The following TTBK2 variants were observed in gnomAD, a reference collection of about 807,000 sequenced individuals.
TTBK2 encodes tau tubulin kinase 2.
In TTBK2, 28 loss-of-function variants were observed where a neutral mutation model predicts 110.8. That is an observed-to-expected ratio of 0.25 (90% confidence interval 0.19 to 0.35). TTBK2 has a LOEUF of 0.35. Among genes scored for constraint, TTBK2 ranks in the 10% least tolerant of loss-of-function variants. The pLI is 1.00. For missense variants in TTBK2, 1,369 were observed against 1,500.3 expected (o/e 0.91, Z 1.45); for synonymous variants, 532 against 527.3 (o/e 1.01, Z -0.12).
Position 42,815,958 on chromosome 15 carries a change from A to AAATATATAT in TTBK2, c.603+1073_603+1074insATATATATT, listed in dbSNP as rs71108183. Among the ~76,000 whole-genome samples, 37 of 91,686 alleles carry AAATATATAT rather than the reference A, an allele frequency of 4.0e-4. 3 individuals are homozygous for AAATATATAT. The highest frequency in any genetic ancestry group is 1.9e-3 in the African/African-American group (31 of 16,134). 60.1% of individuals were successfully genotyped at this position (91,686 alleles called of 152,430 possible). On this transcript the variant is annotated intron_variant, in intron 7 of 14. Transcript: ENST00000267890. The stretch of plus-strand genomic sequence containing the variant: ...TATATATATATATATTTAAAAAAAA[A>AAATATATAT]ATATATATATATATATATATTTGAG...
chr15:42,773,004 G>A (rs1225868659), intron 13 of TTBK2, among the ~76,000 whole-genome samples: 1 of 152,028 alleles, frequency 6.6e-6, no homozygotes, highest in Admixed American at 6.6e-5. Flanking sequence ...AGTTTTCATT[G>A]CCAACCTGAC....
chr15:42,916,327 G>GT (rs1484197167), intron 1 of TTBK2, among the ~76,000 whole-genome samples: 4 of 152,002 alleles, frequency 2.6e-5, no homozygotes, highest in African/African-American at 9.6e-5. Context: ...ATTGAAAAAT[G>GT]TTTTTTGTTT....
Position 42,780,121 on chromosome 15 carries a change from A to C in TTBK2, c.1198-2879T>G, listed in dbSNP as rs1178233167. 7.3e-5 allele frequency among the ~76,000 whole-genome samples: 11 copies of C among 151,164 alleles called. No individual in the cohort carries two copies. In the East Asian group the frequency reaches 2.1e-3, roughly 29 times the overall value. On this transcript the variant is annotated intron_variant, in intron 11 of 14. Coordinates refer to ENST00000267890, the MANE Select transcript of TTBK2 (RefSeq NM_173500.4). The stretch of plus-strand genomic sequence containing the variant: ...CACTGCAGCTTCTCCTCCCAGGTTC[A>C]AGCGATCCTCCACCCTCAGCCTCCC...
chr15:42,838,919 G>A (rs1412674893), intron 4 of TTBK2, among the ~76,000 whole-genome samples: 1 of 152,150 alleles, frequency 6.6e-6, no homozygotes, highest in African/African-American at 2.4e-5. Context: ...GTTTCAAGTA[G>A]ACAAGACTTG....
intron 3 of TTBK2, among the ~76,000 whole-genome samples, chr15:42,850,208 AAG>A (rs1427526412): frequency 1.3e-5 from 2 of 152,202 alleles, no homozygotes; most frequent in Non-Finnish European, 2.9e-5. Flanking sequence ...AAAAGAAAAA[AAG>A]AGAGAAAGAT....
At chr15:42,840,261 T>C (rs1218859720) in intron 4 of TTBK2, 99 bp downstream of exon 4, 4 of 1,029,030 alleles carry the variant, frequency 3.9e-6, no homozygotes, top group Admixed American at 3.4e-5. Context: ...CATTCTCACA[T>C]GGTACTAAGA....
chr15:42,752,165 T>C lies in TTBK2; in HGVS notation c.3081A>G (p.Thr1027=), dbSNP rs911630565. The C allele has an allele frequency of 2.5e-6, 4 of 1,614,194 alleles. No individual in the cohort carries two copies. Among genetic ancestry groups the C allele is most frequent in the African/African-American group, 1.3e-5 (1 of 75,054 alleles). ...EEVLTPFSRL[T]VDSHLSRSAE... Reference sequence around the variant, plus strand: ...CTGACCTACTCAGGTGAGAATCTACTGTCAGTCTTGAAAAGGGAGTGAGCA... The same window carrying C: ...CTGACCTACTCAGGTGAGAATCTACCGTCAGTCTTGAAAAGGGAGTGAGCA... Residue 1027 remains threonine, a synonymous_variant, in exon 14 of 15, where the codon ACA becomes ACG. Coordinates refer to ENST00000267890, the MANE Select transcript of TTBK2 (RefSeq NM_173500.4).
intron 3 of TTBK2, among the ~76,000 whole-genome samples, chr15:42,843,674 G>A (rs1490498209): frequency 1.3e-5 from 2 of 148,470 alleles, no homozygotes; most frequent in African/African-American, 2.5e-5. Context: ...CAGAAGAATC[G>A]CTTGAACCCG....
intron 1 of TTBK2, among the ~76,000 whole-genome samples, chr15:42,913,484 A>G (rs1374439480): frequency 1.3e-5 from 2 of 152,110 alleles, no homozygotes; most frequent in East Asian, 3.9e-4. Context: ...CTAAAAATAC[A>G]AAAATTAGCC....
rs1311152083 is a variant in TTBK2, at chr15:42,741,130, G to C, written c.*4665C>G. 6.6e-6 allele frequency: 1 copy of C among 152,170 alleles called. No individual in the cohort carries two copies. The highest frequency in any genetic ancestry group is 2.4e-5 in the African/African-American group (1 of 41,412). 9.4% of individuals were successfully genotyped at this position (152,170 alleles called of 1,614,324 possible). A position where few individuals can be genotyped will look rare whatever the true frequency, so the allele number is the denominator to read the frequency against. ...TGTTAAATTTCTCATAATTCCAGAG[G>C]GAAGGCCAAAATATTGAGAATACTC... On this transcript the variant is annotated 3_prime_UTR_variant, in exon 15 of 15. Coordinates refer to ENST00000267890, the MANE Select transcript of TTBK2 (RefSeq NM_173500.4).
At chr15:42,906,810 G>GCAAA (rs1311409455) in intron 1 of TTBK2, among the ~76,000 whole-genome samples, 1 of 152,022 alleles carries the variant, frequency 6.6e-6, no homozygotes, top group Non-Finnish European at 1.5e-5. Context: ...TACAAGGAGT[G>GCAAA]CAAACAACTC....
intron 6 of TTBK2, among the ~76,000 whole-genome samples, chr15:42,821,090 T>C (rs1404950824): frequency 6.6e-6 from 1 of 151,862 alleles, no homozygotes; most frequent in African/African-American, 2.4e-5. Flanking sequence ...CATGGAAAGA[T>C]CGTCTACATA....
Position 42,881,404 on chromosome 15 carries a change from A to G in TTBK2, c.-67-2720T>C, listed in dbSNP as rs546624969. 1.1e-4 allele frequency among the ~76,000 whole-genome samples: 17 copies of G among 152,042 alleles called. No homozygotes were observed. The East Asian group carries it at 2.3e-3, about 21-fold the overall frequency. On this transcript the variant is annotated intron_variant, in intron 1 of 14. Transcript: ENST00000267890. ...TACAATCCAAAATTACCAAGCACAC[A>G]AAGAACCAAGAATATCTCAATTTAC...
At chr15:42,800,608 G>A (rs1475615048) in intron 9 of TTBK2, among the ~76,000 whole-genome samples, 2 of 152,188 alleles carry the variant, frequency 1.3e-5, no homozygotes, top group Non-Finnish European at 2.9e-5. Context: ...ACTTAAGCAG[G>A]AGAGCACTAT....
At chr15:42,843,550 G>A (rs1893319469) in intron 3 of TTBK2, among the ~76,000 whole-genome samples, 1 of 151,932 alleles carries the variant, frequency 6.6e-6, no homozygotes, top group Admixed American at 6.6e-5. Flanking sequence ...CATGAGTTCA[G>A]GAGTTTGAGA....
intron 6 of TTBK2, among the ~76,000 whole-genome samples, chr15:42,821,145 T>C (rs1270773009): frequency 6.6e-6 from 1 of 152,234 alleles, no homozygotes; most frequent in African/African-American, 2.4e-5. Context: ...TATATCATGC[T>C]ACCTTTTGAA....
rs376304546 is a variant in TTBK2 at position 42,836,144 on chromosome 15, AG to A, written c.291+4215del. 8.9e-3 allele frequency among the ~76,000 whole-genome samples: 1,352 copies of A among 152,230 alleles called. 16 individuals carry two copies. The highest frequency in any genetic ancestry group is 0.031 in the African/African-American group (1,285 of 41,526). On this transcript the variant is annotated intron_variant, in intron 4 of 14. Transcript: ENST00000267890. ...GGTGAGACCTGGCTAAGGTCTTGTAAGGGGAATTCAGAAAAAAAAAATGTGT... is the reference window on the plus strand; with the variant it reads ...GGTGAGACCTGGCTAAGGTCTTGTAAGGGAATTCAGAAAAAAAAAATGTGT...
intron 12 of TTBK2, 127 bp downstream of exon 12, chr15:42,776,904 C>A: frequency 1.0e-6 from 1 of 1,001,966 alleles, no homozygotes; most frequent in Non-Finnish European, 1.5e-6. Context: ...CTCAGTGTTA[C>A]AAAAATGCAA....
rs1890107215 is a variant in TTBK2 at position 42,779,925 on chromosome 15, G to A, written c.1198-2683C>T. ...ACCCAGGAGGCGGAGGTTGTAGTGA[G>A]CTGAGATCGCACCGCTGCACTCCAG... is the stretch of plus-strand genomic sequence containing the variant. On this transcript the variant is annotated intron_variant, in intron 11 of 14. Transcript: ENST00000267890. 1.3e-5 allele frequency among the ~76,000 whole-genome samples: 2 copies of A among 152,088 alleles called. 1 individual carries two copies. Among genetic ancestry groups the A allele is most frequent in the Admixed American group, 1.3e-4 (2 of 15,276 alleles).
Sources: allele counts gnomAD v4.1 joint callset (sites outside exome capture counted in the v4.1 genomes callset), GRCh38; gene constraint gnomAD v4.1.1; transcripts MANE v1.5; gene names NCBI Gene and HGNC (gene_info 2026-07-23, HGNC 2026-07-21).